SH3GL3: variants seen among roughly 807,000 people sequenced by gnomAD.
SH3GL3 encodes the protein endophilin-A3.
SH3GL3 carries 33 observed loss-of-function variants against 47.7 expected under a neutral mutation model. That is an observed-to-expected ratio of 0.69 (90% CI 0.52 to 0.92). SH3GL3 has a LOEUF of 0.92. Ranked by LOEUF, SH3GL3 falls within the 40% of genes least tolerant of loss-of-function variation. SH3GL3 has a pLI of 0.00. For synonymous variants in SH3GL3, 155 were observed against 148.8 expected, an observed-to-expected ratio of 1.04 and a Z score of -0.30; for missense variants, 363 against 417.8, an observed-to-expected ratio of 0.87 and a Z score of 1.14.
At chr15:83,530,690 A>G (rs762122513) in intron 1 of SH3GL3, among the ~76,000 whole-genome samples, 2 of 151,928 alleles carry the variant, frequency 1.3e-5, no homozygotes, top group Non-Finnish European at 2.9e-5. Context: ...TTGTAAGGCA[A>G]TCTAGACAAA....
At position 83,447,588 on chromosome 15, in the gene SH3GL3, C is replaced by G; in HGVS notation, c.45+10C>G. 6.7e-7 allele frequency: 1 copy of G among 1,496,412 alleles called. No individual in the cohort carries two copies. The highest frequency in any genetic ancestry group is 8.9e-7 in the Non-Finnish European group (1 of 1,118,560). 92.7% of individuals were successfully genotyped at this position (1,496,412 alleles called of 1,614,324 possible). On this transcript the variant is annotated intron_variant, in intron 1 of 8. Transcript: ENST00000427482. This position sits in a 1 kb window ranked among gnomAD's most constrained non-coding sequence, Gnocchi z 5.1. Reference sequence around the variant, plus strand: ...CCACAAAGCCAGCCAGGTAGGGAGGCGCAGAGGAGGGAAGGAGGGAGGGGG... The same window carrying G: ...CCACAAAGCCAGCCAGGTAGGGAGGGGCAGAGGAGGGAAGGAGGGAGGGGG...
intron 1 of SH3GL3, among the ~76,000 whole-genome samples, chr15:83,488,691 C>T (rs886969633): frequency 3.9e-5 from 6 of 152,162 alleles, no homozygotes; most frequent in Non-Finnish European, 7.4e-5. Context: ...GGGTGTGCTC[C>T]CTTCCATGTG....
At chr15:83,594,173 T>G (rs1010736058) in intron 8 of SH3GL3, among the ~76,000 whole-genome samples, 6 of 152,202 alleles carry the variant, frequency 3.9e-5, no homozygotes, top group Non-Finnish European at 8.8e-5. Context: ...ATAAATAGTT[T>G]GAAGAGAGTT....
At chr15:83,632,104 C>T in the SH3GL3 span, among the ~76,000 whole-genome samples, 1 of 152,206 alleles carries the variant, frequency 6.6e-6, no homozygotes, top group African/African-American at 2.4e-5. Flanking sequence ...GCAAGAATCA[C>T]CTTTATTTCA....
intron 1 of SH3GL3, among the ~76,000 whole-genome samples, chr15:83,497,685 A>T (rs1463311796): frequency 6.6e-6 from 1 of 152,002 alleles, no homozygotes; most frequent in Non-Finnish European, 1.5e-5. Flanking sequence ...GCATATCTCT[A>T]CCCACTGCTT....
At chr15:83,587,329 A>T (rs2059980608) in intron 7 of SH3GL3, among the ~76,000 whole-genome samples, 1 of 152,048 alleles carries the variant, frequency 6.6e-6, no homozygotes, top group Non-Finnish European at 1.5e-5. Flanking sequence ...CTTTTCATTA[A>T]ATCCCTTTTT....
At position 83,447,831 on chromosome 15, in the gene SH3GL3, G is replaced by A. The variant is rs780993622; in HGVS notation, c.45+253G>A. ...GTAAATCGGAGAGATTCTGCGGAGC[G>A]GAGGGCAGAGGTGGCGGCCGCGGGG... On this transcript the variant is annotated intron_variant, in intron 1 of 8. Coordinates refer to ENST00000427482, the MANE Select transcript of SH3GL3 (RefSeq NM_003027.5). This position sits in a 1 kb window ranked among gnomAD's most constrained non-coding sequence, Gnocchi z 5.1. Among the ~76,000 whole-genome samples the A allele has an allele frequency of 3.3e-5, 5 of 152,128 alleles. No homozygotes were observed. The highest frequency in any genetic ancestry group is 5.9e-5 in the Non-Finnish European group (4 of 68,008).
chr15:83,627,177 C>T, the SH3GL3 span, among the ~76,000 whole-genome samples: 3 of 152,062 alleles, frequency 2.0e-5, no homozygotes, highest in Non-Finnish European at 4.4e-5. Context: ...GCGGGCGGAT[C>T]ACGAGGTCAG....
At chr15:83,554,194 A>AT (rs56016136) in intron 1 of SH3GL3, among the ~76,000 whole-genome samples, 6,722 of 148,182 alleles carry the variant, frequency 0.045, 170 homozygotes, top group Non-Finnish European at 0.062. Context: ...CATCCAGCTG[A>AT]TTTTTTTTTT....
chr15:83,622,040 A>G (rs1300802523), downstream of SH3GL3, among the ~76,000 whole-genome samples: 1 of 152,170 alleles, frequency 6.6e-6, no homozygotes, highest in Non-Finnish European at 1.5e-5. Context: ...GTAATCAAAT[A>G]ATGATAATAA....
chr15:83,570,771 G>A (rs2045776165), intron 4 of SH3GL3, among the ~76,000 whole-genome samples: 1 of 152,192 alleles, frequency 6.6e-6, no homozygotes, highest in Non-Finnish European at 1.5e-5. Flanking sequence ...ATTAATTAGT[G>A]ACAAAGGGTA....
intron 1 of SH3GL3, among the ~76,000 whole-genome samples, chr15:83,556,910 C>T (rs757802867): frequency 2.6e-5 from 4 of 152,196 alleles, no homozygotes; most frequent in African/African-American, 7.2e-5. Context: ...GATGGCTGAT[C>T]TCTGATCCAC....
intron 8 of SH3GL3, among the ~76,000 whole-genome samples, chr15:83,599,368 T>TC (rs1329877360): frequency 6.6e-6 from 1 of 152,182 alleles, no homozygotes; most frequent in Admixed American, 6.5e-5. Flanking sequence ...TTCTCTCAAG[T>TC]CCCCAAAGTC....
chr15:83,503,483 A>C (rs1435968906), intron 1 of SH3GL3, among the ~76,000 whole-genome samples: 4 of 152,220 alleles, frequency 2.6e-5, no homozygotes, highest in Non-Finnish European at 5.9e-5. Flanking sequence ...AATAACAATA[A>C]GTGAAATTTA....
At chr15:83,534,661 A>G (rs118093233) in intron 1 of SH3GL3, among the ~76,000 whole-genome samples, 152 of 152,382 alleles carry the variant, frequency 1.0e-3, no homozygotes, top group Non-Finnish European at 1.7e-3. Context: ...CAAAACATTC[A>G]GAAAAATAGT....
intron 8 of SH3GL3, among the ~76,000 whole-genome samples, chr15:83,605,288 CT>C (rs1233375951): frequency 6.6e-6 from 1 of 152,164 alleles, no homozygotes; most frequent in Non-Finnish European, 1.5e-5. Flanking sequence ...CAGCATTGGG[CT>C]TCCTTGATTT....
intron 1 of SH3GL3, among the ~76,000 whole-genome samples, chr15:83,549,882 A>G (rs1042481718): frequency 1.3e-5 from 2 of 152,214 alleles, no homozygotes; most frequent in Admixed American, 1.3e-4. Flanking sequence ...TGCAAGACAG[A>G]ACATTTCCTA....
chr15:83,448,274 G>T lies in SH3GL3; in HGVS notation c.45+696G>T, dbSNP rs1279528832. ...TGCTAGACACACCTCCACGCACAGA[G>T]GATGACAAATAACACAGTGGGGGCG... On this transcript the variant is annotated intron_variant, in intron 1 of 8. Coordinates refer to ENST00000427482, the MANE Select transcript of SH3GL3 (RefSeq NM_003027.5). This position sits in a 1 kb window ranked among gnomAD's most constrained non-coding sequence, Gnocchi z 4.2. 6.6e-6 allele frequency among the ~76,000 whole-genome samples: 1 copy of T among 152,158 alleles called. No homozygotes were observed. The highest frequency in any genetic ancestry group is 1.9e-4 in the East Asian group (1 of 5,186).
At chr15:83,461,018 G>A (rs1324560366) in intron 1 of SH3GL3, among the ~76,000 whole-genome samples, 1 of 151,852 alleles carries the variant, frequency 6.6e-6, no homozygotes, top group Non-Finnish European at 1.5e-5. Context: ...GGGAGGCGGA[G>A]CTTGTAGTGA....
Sources: allele counts gnomAD v4.1 joint callset (sites outside exome capture counted in the v4.1 genomes callset), GRCh38; gene constraint gnomAD v4.1.1; non-coding constraint Gnocchi (gnomAD v3.1); transcripts MANE v1.5; gene names NCBI Gene and HGNC (gene_info 2026-07-23, HGNC 2026-07-21).